The following RALY variants were observed in gnomAD, a reference collection of about 807,000 sequenced individuals.
The protein encoded by RALY is RNA-binding protein Raly.
RALY carries 15 observed loss-of-function variants against 30.7 expected under a neutral mutation model. The observed-to-expected ratio is 0.49, with a 90% confidence interval of 0.33 to 0.75. The LOEUF (loss-of-function observed/expected upper bound fraction) is 0.75, where lower values mean the gene tolerates loss of function less well. Ranked by LOEUF, RALY falls within the 30% of genes least tolerant of loss-of-function variation. The pLI is 0.02. For synonymous variants in RALY, 177 were observed against 170.8 expected (o/e 1.04, Z -0.28); for missense variants, 339 against 414.3 (o/e 0.82, Z 1.58).
At chr20:34,055,959 C>T (rs1239337750) in intron 2 of RALY, among the ~76,000 whole-genome samples, 2 of 152,140 alleles carry the variant, frequency 1.3e-5, no homozygotes, top group Non-Finnish European at 1.5e-5. Context: ...AAGGGTTTGG[C>T]ACAAGATGGG....
At chr20:34,041,228 G>T (rs1251592006) in intron 2 of RALY, among the ~76,000 whole-genome samples, 1 of 152,216 alleles carries the variant, frequency 6.6e-6, no homozygotes. Flanking sequence ...GAAAGGGAAA[G>T]GGTCTGTACT....
chr20:34,076,123 A>G (rs1210627935), intron 6 of RALY, 83 bp downstream of exon 6: 3 of 1,474,832 alleles, frequency 2.0e-6, no homozygotes, highest in African/African-American at 1.4e-5. Flanking sequence ...ACATTGGAAC[A>G]TAGATAAAAC....
chr20:34,040,493 A>G (rs79077733), intron 2 of RALY, among the ~76,000 whole-genome samples: 1 of 152,182 alleles, frequency 6.6e-6, no homozygotes, highest in Admixed American at 6.5e-5. Context: ...GAATAGCACA[A>G]CAGACTCTCC....
intron 2 of RALY, among the ~76,000 whole-genome samples, chr20:34,063,238 C>T (rs923935410): frequency 1.3e-5 from 2 of 152,178 alleles, no homozygotes; most frequent in Non-Finnish European, 2.9e-5. Flanking sequence ...TGATGGTTAT[C>T]ATGATCACAT....
chr20:34,072,846 A>G (rs2033766333), intron 3 of RALY, among the ~76,000 whole-genome samples: 1 of 152,072 alleles, frequency 6.6e-6, no homozygotes, highest in African/African-American at 2.4e-5. Context: ...GGGTATCTGT[A>G]TGTGTTTTTT....
At chr20:34,042,252 T>C in intron 2 of RALY, among the ~76,000 whole-genome samples, 1 of 152,172 alleles carries the variant, frequency 6.6e-6, no homozygotes, top group Admixed American at 6.5e-5. Flanking sequence ...GGCAGCTGCC[T>C]TAAACTTCCA....
chr20:34,005,617 A>G (rs987460000), intron 1 of RALY, among the ~76,000 whole-genome samples: 2 of 152,170 alleles, frequency 1.3e-5, no homozygotes, highest in African/African-American at 4.8e-5. Flanking sequence ...TTTTGTTTAT[A>G]CTAATAGAGC....
At chr20:34,001,837 G>T (rs2030930548) in intron 1 of RALY, among the ~76,000 whole-genome samples, 1 of 151,996 alleles carries the variant, frequency 6.6e-6, no homozygotes, top group Non-Finnish European at 1.5e-5. Context: ...CATGATCTCC[G>T]CTCACTGCAA....
chr20:34,073,672 G>A, intron 4 of RALY, 37 bp downstream of exon 4: 1 of 1,549,666 alleles, frequency 6.5e-7, no homozygotes, highest in African/African-American at 1.4e-5. Context: ...CTGGTGGGAT[G>A]ACTCTCTCTT....
chr20:34,065,123 G>C (rs545542139), intron 2 of RALY: 37 of 152,340 alleles, frequency 2.4e-4, no homozygotes, highest in African/African-American at 7.5e-4. Context: ...TCTCCACAGT[G>C]CCAGCACAGA....
At chr20:34,076,099 G>A (rs1445051456) in intron 6 of RALY, 59 bp downstream of exon 6, 1 of 1,553,290 alleles carries the variant, frequency 6.4e-7, no homozygotes, top group Non-Finnish European at 8.8e-7. Flanking sequence ...CAAAATAATA[G>A]AATCACATTT....
chr20:34,026,374 T>TTTTA (rs372397530), intron 1 of RALY, among the ~76,000 whole-genome samples: 29,779 of 142,324 alleles, frequency 0.21, 3,416 homozygotes, highest in East Asian at 0.27. Context: ...ACCTCAGACA[T>TTTTA]TTTATTTATT....
chr20:34,011,250 A>T (rs2031387137), intron 1 of RALY, among the ~76,000 whole-genome samples: 1 of 152,334 alleles, frequency 6.6e-6, no homozygotes, highest in East Asian at 1.9e-4. Flanking sequence ...GTGAGAAAGC[A>T]TCAAATAAGT....
Position 34,010,946 on chromosome 20 carries a change from G to A in RALY, c.-93+16815G>A, listed in dbSNP as rs529238860. On this transcript the variant is annotated intron_variant, in intron 1 of 9. Coordinates refer to ENST00000246194, the MANE Select transcript of RALY (RefSeq NM_016732.3). ...GCTGAACTGTGAGCTCTATGAAGGC[G>A]GAAACCATGTCTGTCTTGTTGATGA... Among the ~76,000 whole-genome samples the A allele has an allele frequency of 5.4e-5, 8 of 147,904 alleles. No homozygotes were observed. In the South Asian group the frequency reaches 6.4e-4, roughly 12 times the overall value.
In RALY at chr20:34,083,790, GACAAGACCACAGAAAT is replaced by G. The variant is rs2034064872; in HGVS notation, c.*3887_*3902del. ...GATGTTATATGCAGTAGGCCTGTCT[GACAAGACCACAGAAAT>G]AGAGAAGGCAAAGCAGAGCAAAAGA... On this transcript the variant is annotated 3_prime_UTR_variant, in exon 10 of 10. Coordinates refer to ENST00000246194, the MANE Select transcript of RALY (RefSeq NM_016732.3). 6.6e-6 allele frequency: 1 copy of G among 152,242 alleles called. No homozygotes were observed. Among genetic ancestry groups the G allele is most frequent in the African/African-American group, 2.4e-5 (1 of 41,456 alleles). The allele number at this position is 152,242 out of a possible 1,614,324, so 9.4% of individuals were successfully genotyped here.
intron 2 of RALY, among the ~76,000 whole-genome samples, chr20:34,066,973 G>A (rs548523840): frequency 1.4e-3 from 211 of 152,272 alleles, no homozygotes; most frequent in Non-Finnish European, 2.5e-3. Context: ...ATCTTGCCAG[G>A]GAAGTCAGAA....
chr20:34,039,893 A>C (rs1185798598), intron 2 of RALY, among the ~76,000 whole-genome samples: 1 of 152,186 alleles, frequency 6.6e-6, no homozygotes, highest in Non-Finnish European at 1.5e-5. Context: ...AGGAAGGATC[A>C]CGAGGTCAAG....
intron 2 of RALY, among the ~76,000 whole-genome samples, chr20:34,070,904 G>A (rs780719223): frequency 6.6e-6 from 1 of 152,180 alleles, no homozygotes; most frequent in East Asian, 1.9e-4. Context: ...TCTGCAGGCC[G>A]TACAGGCTTC....
chr20:34,020,471 T>A (rs1247652781), intron 1 of RALY, among the ~76,000 whole-genome samples: 1 of 152,044 alleles, frequency 6.6e-6, no homozygotes, highest in Non-Finnish European at 1.5e-5. Flanking sequence ...TGGTAGAGGA[T>A]GAATAAGGGT....
Sources: gnomAD v4.1 joint callset for allele counts (sites outside exome capture counted in the v4.1 genomes callset) on GRCh38, gnomAD v4.1.1 for gene constraint, MANE v1.5 for transcripts, NCBI Gene and HGNC (gene_info 2026-07-23, HGNC 2026-07-21) for gene names.